CYP4F22: variants seen among roughly 807,000 people sequenced by gnomAD.
The protein encoded by CYP4F22 is cytochrome P450 family 4 subfamily F member 22.
A neutral mutation model predicts 60.4 loss-of-function variants in CYP4F22; 37 were observed. That is an observed-to-expected ratio of 0.61 (90% confidence interval 0.47 to 0.81). The LOEUF (loss-of-function observed/expected upper bound fraction) is 0.81, where lower values mean the gene tolerates loss of function less well. Ranked by LOEUF, CYP4F22 falls within the 30% of genes least tolerant of loss-of-function variation. CYP4F22 has a pLI of 0.00. For missense variants in CYP4F22, 655 were observed against 715.0 expected (o/e 0.92, Z 0.96); for synonymous variants, 258 against 280.5 (o/e 0.92, Z 0.80).
chr19:15,540,843 G>C lies in CYP4F22; in HGVS notation c.939+126G>C, dbSNP rs865774041. 53 of 1,222,198 alleles carry C rather than the reference G, an allele frequency of 4.3e-5. No homozygotes were observed. The African/African-American group carries it at 6.4e-4, about 15-fold the overall frequency. The allele number at this position is 1,222,198 out of a possible 1,614,324, so 75.7% of individuals were successfully genotyped here. A position where few individuals can be genotyped will look rare whatever the true frequency, so the allele number is the denominator to read the frequency against. ...CTCACACGTGTAATCCCAGCGCTTTGGGAGGCCAAGGCGGGAGGATCGCTT... is the reference window on the plus strand; with the variant it reads ...CTCACACGTGTAATCCCAGCGCTTTCGGAGGCCAAGGCGGGAGGATCGCTT... On this transcript the variant is annotated intron_variant, in intron 8 of 13. Transcript: ENST00000269703.
chr19:15,510,346 A>T (rs2144490392), intron 1 of CYP4F22, among the ~76,000 whole-genome samples: 1 of 152,284 alleles, frequency 6.6e-6, no homozygotes, highest in Admixed American at 6.5e-5. Flanking sequence ...GGTCACAATA[A>T]TGAACGTGAT....
Position 15,542,394 on chromosome 19 carries a change from G to A in CYP4F22, c.940-1577G>A, listed in dbSNP as rs759116272. ...TAAAAATAAAAAAAAAATATTAGCC[G>A]GGCGTGGTGGCATGCATCTGTAATC... is the stretch of plus-strand genomic sequence containing the variant. On this transcript the variant is annotated intron_variant, in intron 8 of 13. Coordinates refer to ENST00000269703, the MANE Select transcript of CYP4F22 (RefSeq NM_173483.4). Among the ~76,000 whole-genome samples, 19 of 151,722 alleles carry A rather than the reference G, an allele frequency of 1.3e-4. 1 individual carries two copies. The highest frequency in any genetic ancestry group is 7.8e-4 in the East Asian group (4 of 5,160).
At chr19:15,511,369 G>A (rs1308369323) in intron 1 of CYP4F22, among the ~76,000 whole-genome samples, 1 of 152,040 alleles carries the variant, frequency 6.6e-6, no homozygotes, top group Non-Finnish European at 1.5e-5. Context: ...TGAGGTGGGA[G>A]GATCACTCAA....
At chr19:15,537,196 G>A (rs1276147813) in intron 4 of CYP4F22, among the ~76,000 whole-genome samples, 165 bp from the exon 5 acceptor site, 1 of 152,126 alleles carries the variant, frequency 6.6e-6, no homozygotes, top group Non-Finnish European at 1.5e-5. Flanking sequence ...AGCTACTCAG[G>A]AGGCAGAGGC....
chr19:15,536,837 A>G (rs1971399510), intron 4 of CYP4F22, among the ~76,000 whole-genome samples: 1 of 152,148 alleles, frequency 6.6e-6, no homozygotes, highest in Admixed American at 6.6e-5. Context: ...TACAAGTGCA[A>G]TGGGGAGCCA....
intron 3 of CYP4F22, among the ~76,000 whole-genome samples, chr19:15,527,616 C>A (rs1911092115): frequency 6.6e-6 from 1 of 152,242 alleles, no homozygotes; most frequent in Non-Finnish European, 1.5e-5. Context: ...TCCTGCCCAG[C>A]TCCTGGGCCC....
chr19:15,533,272 T>C (rs1266039525), intron 4 of CYP4F22, among the ~76,000 whole-genome samples: 2 of 152,224 alleles, frequency 1.3e-5, no homozygotes, highest in African/African-American at 4.8e-5. Flanking sequence ...ATGTAACATA[T>C]AATTAACCAT....
chr19:15,547,295 A>G (rs922407276), intron 10 of CYP4F22, among the ~76,000 whole-genome samples: 4 of 151,988 alleles, frequency 2.6e-5, no homozygotes, highest in African/African-American at 9.7e-5. Context: ...AAGTGCTGGG[A>G]TTACAGGCGA....
intron 8 of CYP4F22, 135 bp downstream of exon 8, chr19:15,540,852 A>G (rs904832083): frequency 8.9e-6 from 10 of 1,122,572 alleles, no homozygotes; most frequent in Non-Finnish European, 1.2e-5. Context: ...TGGGAGGCCA[A>G]GGCGGGAGGA....
At chr19:15,548,901 G>A (rs540487957) in intron 11 of CYP4F22, among the ~76,000 whole-genome samples, 1 of 152,242 alleles carries the variant, frequency 6.6e-6, no homozygotes, top group East Asian at 1.9e-4. Flanking sequence ...TCAGATCTGC[G>A]AGTAAGAAAG....
chr19:15,530,132 G>A (rs1409497035), intron 4 of CYP4F22, among the ~76,000 whole-genome samples: 3 of 152,168 alleles, frequency 2.0e-5, no homozygotes, highest in Non-Finnish European at 4.4e-5. Context: ...TTATGGTTTT[G>A]TTAAGTAAGT....
In CYP4F22 at chr19:15,544,183, T is replaced by A. The variant is rs1225207120; in HGVS notation, c.1040T>A (p.Met347Lys). 6.2e-7 allele frequency: 1 copy of A among 1,614,042 alleles called. No homozygotes were observed. The highest frequency in any genetic ancestry group is 1.3e-5 in the African/African-American group (1 of 74,904). Residue 347 changes from methionine to lysine, a missense_variant, in exon 10 of 14, where the codon ATG (methionine) becomes AAG (lysine). Met to Lys is a moderately conservative substitution (Grantham distance 95). This residue lies in a region of CYP4F22 where 74 missense variants were observed against 118.4 expected (regional missense o/e 0.62). Coordinates refer to ENST00000269703, the MANE Select transcript of CYP4F22 (RefSeq NM_173483.4). ...ACAACATCCAGTGGGATCTCTTGGA[T>A]GCTGTTCAATTTGGCAAAGTATCCG... ...HDTTSSGISWMLFNLAKYPEY... is the reference protein window; with the variant it reads ...HDTTSSGISWKLFNLAKYPEY...
At position 15,540,506 on chromosome 19, in the gene CYP4F22, G is replaced by T. The variant is rs118203937; in HGVS notation, c.728G>T (p.Arg243Leu). 1.2e-6 allele frequency: 2 copies of T among 1,614,168 alleles called. No individual in the cohort carries two copies. The highest frequency in any genetic ancestry group is 2.2e-5 in the East Asian group (1 of 44,884). Residue 243 changes from arginine (R) to leucine (L), a missense_variant, in exon 8 of 14, where the codon CGC becomes CTC. This residue lies in a region of CYP4F22 where 430 missense variants were observed against 457.1 expected (regional missense o/e 0.94). Coordinates refer to ENST00000269703, the MANE Select transcript of CYP4F22 (RefSeq NM_173483.4). ...IIELSALSVR[R>L]QYRLHHYLDF... The stretch of plus-strand genomic sequence containing the variant: ...GAACTGAGCGCTCTGTCTGTCCGGC[G>T]CCAGTATCGCTTGCACCACTACCTC...
intron 1 of CYP4F22, among the ~76,000 whole-genome samples, chr19:15,512,929 G>A (rs1325522501): frequency 1.3e-5 from 2 of 152,058 alleles, no homozygotes; most frequent in Non-Finnish European, 2.9e-5. Flanking sequence ...TTCCACCCCT[G>A]TCCCGAGTTC....
chr19:15,524,262 ACAGAAAGCAGATTAGT>A, intron 2 of CYP4F22, among the ~76,000 whole-genome samples: 1 of 152,306 alleles, frequency 6.6e-6, no homozygotes, highest in Non-Finnish European at 1.5e-5. Flanking sequence ...ATCCATAGAG[ACAGAAAGCAGATTAGT>A]GGTGCCAGGG....
At position 15,516,744 on chromosome 19, in the gene CYP4F22, C is replaced by T. The variant is rs1971159499; in HGVS notation, c.-108-6949C>T. On this transcript the variant is annotated intron_variant, in intron 1 of 13. Coordinates refer to ENST00000269703, the MANE Select transcript of CYP4F22 (RefSeq NM_173483.4). The stretch of plus-strand genomic sequence containing the variant: ...TTTTTGGGGAAGTCTTTGTATTCAA[C>T]CTGGAATCCCTGGACTCTGGAAAGA... The T allele has an allele frequency of 9.5e-6, 6 of 629,016 alleles. No homozygotes were observed. In the South Asian group the frequency reaches 1.1e-4, roughly 11 times the overall value. 39.0% of individuals were successfully genotyped at this position (629,016 alleles called of 1,614,324 possible). A position where few individuals can be genotyped will look rare whatever the true frequency, so the allele number is the denominator to read the frequency against.
rs1971566067 is a variant in CYP4F22, at chr19:15,549,131, C to T, written c.1271-7C>T. The T allele has an allele frequency of 1.2e-6, 2 of 1,613,962 alleles. No homozygotes were observed. Among genetic ancestry groups the T allele is most frequent in the Non-Finnish European group, 1.7e-6 (2 of 1,179,988 alleles). On this transcript the variant is annotated splice_region_variant and splice_polypyrimidine_tract_variant and intron_variant, in intron 11 of 13. Transcript: ENST00000269703. ...CTTGGCCCCACTGATCCCATCTTTC[C>T]CCACAGGAATCATCTGCTTGGTCAG...
rs973247879 is a variant in CYP4F22, at chr19:15,551,539, A to G, written c.*68A>G. ...CCCCAAAGGACCAGGACTCGCCCCA[A>G]AGATCCCGAGGGCATAGGCCACCCC... On this transcript the variant is annotated 3_prime_UTR_variant, in exon 14 of 14. Transcript: ENST00000269703. 2.8e-5 allele frequency: 42 copies of G among 1,518,454 alleles called. No homozygotes were observed. In the East Asian group the frequency reaches 4.4e-4, roughly 16 times the overall value. 94.1% of individuals were successfully genotyped at this position (1,518,454 alleles called of 1,614,324 possible).
intron 7 of CYP4F22, among the ~76,000 whole-genome samples, chr19:15,540,015 C>G (rs1971439475): frequency 6.6e-6 from 1 of 152,060 alleles, no homozygotes; most frequent in African/African-American, 2.4e-5. Context: ...GGTACCAATC[C>G]CTTATCAGAT....
Sources: allele counts gnomAD v4.1 joint callset (sites outside exome capture counted in the v4.1 genomes callset), GRCh38; gene constraint gnomAD v4.1.1; regional missense constraint gnomAD v4.1.1; transcripts MANE v1.5; gene names NCBI Gene and HGNC (gene_info 2026-07-23, HGNC 2026-07-21).